The following GSE1 variants were observed in gnomAD, a reference collection of about 807,000 sequenced individuals.
The protein encoded by GSE1 is genetic suppressor element 1.
In GSE1, 32 loss-of-function variants were observed where a neutral mutation model predicts 112.6. The ratio of observed to expected loss-of-function variants is 0.28; its 90% confidence interval spans 0.21 to 0.38. GSE1 has a LOEUF of 0.38. Among genes scored for constraint, GSE1 ranks in the 10% least tolerant of loss-of-function variants. GSE1 has a pLI of 1.00. For synonymous variants in GSE1, 1,115 were observed against 735.6 expected (o/e 1.52, Z -8.35); for missense variants, 2,348 against 1,699.2 (o/e 1.38, Z -6.71).
chr16:85,595,297 C>T (rs2047175459), intron 1 of GSE1: 1 of 152,264 alleles, frequency 6.6e-6, no homozygotes, highest in African/African-American at 2.4e-5. Context: ...CTAGCATTTT[C>T]CTCTGGAGAA....
At chr16:85,308,140 G>A (rs2045732203) in intron 1 of GSE1, among the ~76,000 whole-genome samples, 2 of 152,148 alleles carry the variant, frequency 1.3e-5, no homozygotes, top group African/African-American at 2.4e-5. Context: ...TCTGCATTTC[G>A]GTTTCCTTGT....
chr16:85,208,764 G>T (rs2075165780), intron 1 of GSE1, among the ~76,000 whole-genome samples: 1 of 151,764 alleles, frequency 6.6e-6, no homozygotes, highest in Admixed American at 6.6e-5. Flanking sequence ...GCGGATGGGG[G>T]TGGGGGTGGG....
At chr16:85,518,655 G>A (rs1195964247) in intron 2 of GSE1, among the ~76,000 whole-genome samples, 2 of 152,088 alleles carry the variant, frequency 1.3e-5, no homozygotes, top group Non-Finnish European at 2.9e-5. Flanking sequence ...GCATAGGTGA[G>A]GTTCAGAGTC....
At chr16:85,573,854 A>C (rs770746231) in intron 1 of GSE1, among the ~76,000 whole-genome samples, 28 of 152,212 alleles carry the variant, frequency 1.8e-4, no homozygotes, top group Non-Finnish European at 3.2e-4. Flanking sequence ...TGGGAACTCA[A>C]GAAAATGTTT....
At chr16:85,534,052 C>T (rs181605004) in intron 2 of GSE1, among the ~76,000 whole-genome samples, 83 of 152,232 alleles carry the variant, frequency 5.5e-4, no homozygotes, top group African/African-American at 2.0e-3. Context: ...TCCCAATCAT[C>T]TCTCCACCAC....
intron 11 of GSE1, 24 bp downstream of exon 11, chr16:85,663,638 G>A (rs1053327801): frequency 5.0e-6 from 8 of 1,596,086 alleles, no homozygotes; most frequent in Non-Finnish European, 6.8e-6. Context: ...TGGGTAGGAA[G>A]GTGGGGGCTC....
Position 85,538,918 on chromosome 16 carries a change from C to G in GSE1, c.2465-94996C>G, listed in dbSNP as rs996099008. ...ATCTCCCCCACCCACCTCGGTATCC[C>G]TTGGCTGGAGTGGCCTACAGCTGTG... On this transcript the variant is annotated intron_variant, in intron 2 of 2. Coordinates refer to the GSE1 transcript ENST00000637419. 5.9e-5 allele frequency among the ~76,000 whole-genome samples: 9 copies of G among 152,318 alleles called. 1 individual carries two copies. Among genetic ancestry groups the G allele is most frequent in the Admixed American group, 1.3e-4 (2 of 15,298 alleles).
At chr16:85,612,820 C>G (rs535042148), upstream of GSE1, among the ~76,000 whole-genome samples, 18 of 152,330 alleles carry the variant, frequency 1.2e-4, no homozygotes, top group Non-Finnish European at 2.1e-4. Context: ...ACCCGTCCGC[C>G]CATTATTGGG....
At chr16:85,664,117 T>C (rs567675132) in intron 11 of GSE1, among the ~76,000 whole-genome samples, 16 of 152,368 alleles carry the variant, frequency 1.1e-4, no homozygotes, top group African/African-American at 2.4e-4. Flanking sequence ...CAGGGCCACA[T>C]TGGGACAGAC....
At chr16:85,239,149 C>G (rs1904967215) in intron 1 of GSE1, among the ~76,000 whole-genome samples, 1 of 152,262 alleles carries the variant, frequency 6.6e-6, no homozygotes, top group South Asian at 2.1e-4. Flanking sequence ...CCAGGCTGGT[C>G]TCGAACTCCC....
intron 1 of GSE1, among the ~76,000 whole-genome samples, chr16:85,212,590 C>T (rs1375055664): frequency 6.6e-6 from 1 of 152,264 alleles, no homozygotes; most frequent in African/African-American, 2.4e-5. Context: ...AGGAGACATC[C>T]ACCCTGCCCA....
intron 1 of GSE1, among the ~76,000 whole-genome samples, chr16:85,589,875 A>G (rs2046904141): frequency 6.6e-6 from 1 of 151,696 alleles, no homozygotes; most frequent in South Asian, 2.1e-4. Flanking sequence ...TGTGACAGAG[A>G]CATTGTGTGT....
intron 2 of GSE1, among the ~76,000 whole-genome samples, chr16:85,482,852 C>A (rs913378141): frequency 1.3e-5 from 2 of 152,198 alleles, no homozygotes; most frequent in South Asian, 4.2e-4. Flanking sequence ...GTGGAGGGTG[C>A]CTGTAATCTC....
At chr16:85,426,985 G>C (rs2049008876) in intron 2 of GSE1, among the ~76,000 whole-genome samples, 2 of 152,212 alleles carry the variant, frequency 1.3e-5, no homozygotes, top group South Asian at 2.1e-4. Context: ...GAGTGACCTG[G>C]GGGCCTCAGT....
intron 1 of GSE1, among the ~76,000 whole-genome samples, chr16:85,620,937 G>T (rs1462433658): frequency 6.6e-6 from 1 of 150,866 alleles, no homozygotes; most frequent in Admixed American, 6.6e-5. Flanking sequence ...AGATGGTCTC[G>T]GCCATGGGTG....
intron 2 of GSE1, among the ~76,000 whole-genome samples, chr16:85,533,894 T>G (rs2044227340): frequency 6.6e-6 from 1 of 151,992 alleles, no homozygotes; most frequent in Non-Finnish European, 1.5e-5. Context: ...TCGGCATTAT[T>G]GAGGGGTGGT....
intron 2 of GSE1, among the ~76,000 whole-genome samples, chr16:85,421,324 G>A (rs2048840406): frequency 6.6e-6 from 1 of 152,034 alleles, no homozygotes; most frequent in Middle Eastern, 3.2e-3. Flanking sequence ...CATCCTGCGG[G>A]GGTCCTGCTT....
intron 2 of GSE1, among the ~76,000 whole-genome samples, chr16:85,399,071 G>A (rs990271233): frequency 2.0e-5 from 3 of 152,184 alleles, no homozygotes; most frequent in Non-Finnish European, 4.4e-5. Context: ...TATATTACAT[G>A]CACATGTGTA....
intron 2 of GSE1, among the ~76,000 whole-genome samples, chr16:85,370,079 G>A (rs2047263245): frequency 6.6e-6 from 1 of 152,166 alleles, no homozygotes; most frequent in Admixed American, 6.5e-5. Context: ...CACCCTTGCG[G>A]GGCAGGGGCT....
Sources: allele counts gnomAD v4.1 joint callset (sites outside exome capture counted in the v4.1 genomes callset), GRCh38; gene constraint gnomAD v4.1.1; transcripts MANE v1.5; gene names NCBI Gene and HGNC (gene_info 2026-07-23, HGNC 2026-07-21).